TGM3: variants seen among roughly 807,000 people sequenced by gnomAD.
The protein encoded by TGM3 is protein-glutamine gamma-glutamyltransferase E.
Under a neutral mutation model 73.8 loss-of-function variants are expected in TGM3, and 52 were observed. That is an observed-to-expected ratio of 0.70 (90% confidence interval 0.56 to 0.89). The LOEUF is 0.89. Among genes scored for constraint, TGM3 ranks in the 40% least tolerant of loss-of-function variants. TGM3 has a pLI of 0.00. For missense variants in TGM3, 928 were observed against 909.9 expected (o/e 1.02, Z -0.26); for synonymous variants, 372 against 354.9 (o/e 1.05, Z -0.54).
At chr20:2,297,040 C>T (rs2084112406) in intron 1 of TGM3, among the ~76,000 whole-genome samples, 1 of 152,216 alleles carries the variant, frequency 6.6e-6, no homozygotes, top group African/African-American at 2.4e-5. Flanking sequence ...CCCTGTCTCC[C>T]ATTCCTTGCT....
intron 9 of TGM3, among the ~76,000 whole-genome samples, chr20:2,329,906 T>C (rs1051121137): frequency 6.6e-6 from 1 of 152,170 alleles, no homozygotes; most frequent in African/African-American, 2.4e-5. Flanking sequence ...ACTGGAACAA[T>C]GACTTCCCAA....
chr20:2,316,212 A>G (rs927047036), intron 5 of TGM3, among the ~76,000 whole-genome samples: 1 of 152,224 alleles, frequency 6.6e-6, no homozygotes, highest in African/African-American at 2.4e-5. Flanking sequence ...ATGAACAAAT[A>G]GCTGAATGAA....
intron 4 of TGM3, 103 bp from the exon 5 acceptor site, chr20:2,312,795 A>G (rs994154864): frequency 6.7e-7 from 1 of 1,492,442 alleles, no homozygotes; most frequent in Non-Finnish European, 9.1e-7. Flanking sequence ...CACAGAGTCA[A>G]AGGATCTGAT....
intron 2 of TGM3, 74 bp downstream of exon 2, chr20:2,309,904 G>C: frequency 6.4e-7 from 1 of 1,573,352 alleles, no homozygotes; most frequent in East Asian, 2.2e-5. Flanking sequence ...GGACTGACGG[G>C]GACCACACTG....
At chr20:2,307,777 A>T (rs6048053) in intron 1 of TGM3, among the ~76,000 whole-genome samples, 16,192 of 152,170 alleles carry the variant, frequency 0.11, 2,873 homozygotes, top group African/African-American at 0.36. Flanking sequence ...CTTCATATTC[A>T]CTTTTCCTTG....
intron 11 of TGM3, among the ~76,000 whole-genome samples, chr20:2,339,330 G>A (rs184543587): frequency 6.6e-6 from 1 of 152,188 alleles, no homozygotes; most frequent in Non-Finnish European, 1.5e-5. Flanking sequence ...GAAAGCCAAG[G>A]AAAGTAATAT....
At position 2,309,750 on chromosome 20, in the gene TGM3, G is replaced by A; in HGVS notation, c.101G>A (p.Arg34Lys). 7 of 1,614,216 alleles carry A rather than the reference G, an allele frequency of 4.3e-6. No individual in the cohort carries two copies. The highest frequency in any genetic ancestry group is 5.9e-6 in the Non-Finnish European group (7 of 1,180,034). ...KFSSQELILR[R>K]GQNFQVLMIM... ...TCCAGCCAGGAGCTCATCTTGCGGA[G>A]AGGCCAAAACTTCCAGGTCTTAATG... Residue 34 changes from arginine to lysine, a missense_variant, in exon 2 of 13, where the codon AGA becomes AAA. By Grantham distance (26) the Arg-to-Lys change is conservative. Coordinates refer to ENST00000381458, the MANE Select transcript of TGM3 (RefSeq NM_003245.4).
intron 7 of TGM3, among the ~76,000 whole-genome samples, chr20:2,324,572 C>T (rs899002808): frequency 6.6e-6 from 1 of 152,164 alleles, no homozygotes; most frequent in African/African-American, 2.4e-5. Flanking sequence ...CTTTTATCTC[C>T]AGCTGAACAG....
Sources: allele counts gnomAD v4.1 joint callset (sites outside exome capture counted in the v4.1 genomes callset), GRCh38; gene constraint gnomAD v4.1.1; transcripts MANE v1.5; gene names NCBI Gene and HGNC (gene_info 2026-07-23, HGNC 2026-07-21).